NCOR1: variants seen among roughly 807,000 people sequenced by gnomAD.
The protein encoded by NCOR1 is nuclear receptor corepressor 1, also known as protein phosphatase 1, regulatory subunit 109.
A neutral mutation model predicts 288.1 loss-of-function variants in NCOR1; 63 were observed. The ratio of observed to expected loss-of-function variants is 0.22; its 90% CI spans 0.18 to 0.27. The LOEUF is 0.27. Ranked by LOEUF, NCOR1 falls within the 10% of genes least tolerant of loss-of-function variation. The pLI, the probability that NCOR1 is intolerant of heterozygous loss-of-function variation, is 1.00. For missense variants in NCOR1, 2,397 were observed against 3,019.2 expected (o/e 0.79, Z 4.83); for synonymous variants, 1,007 against 1,065.9 (o/e 0.94, Z 1.08).
At chr17:16,162,964 C>A (rs1334385748) in intron 5 of NCOR1, among the ~76,000 whole-genome samples, 1 of 152,052 alleles carries the variant, frequency 6.6e-6, no homozygotes, top group Admixed American at 6.6e-5. Context: ...AGTAAAACTA[C>A]CTTAATAACC....
rs2056549195 is a variant in NCOR1, at chr17:16,037,100, T to C, written c.6956-2156A>G. The stretch of plus-strand genomic sequence containing the variant: ...TTAATTGGCCGAATTTGAATATTGT[T>C]GTGTGTCAGGGAATAAGGGAGCCAG... On this transcript the variant is annotated intron_variant, in intron 44 of 45. Coordinates refer to ENST00000268712, the MANE Select transcript of NCOR1 (RefSeq NM_006311.4). Among the ~76,000 whole-genome samples the C allele has an allele frequency of 3.9e-5, 6 of 152,334 alleles. No individual in the cohort carries two copies. The South Asian group carries it at 1.2e-3, about 32-fold the overall frequency.
At chr17:16,187,462 T>A (rs1288983739) in intron 2 of NCOR1, among the ~76,000 whole-genome samples, 1 of 148,294 alleles carries the variant, frequency 6.7e-6, no homozygotes, top group Non-Finnish European at 1.5e-5. Context: ...AGTATAACCA[T>A]ACAACTGAAT....
At chr17:16,214,298 T>C (rs1316553349) in intron 1 of NCOR1, among the ~76,000 whole-genome samples, 2 of 152,222 alleles carry the variant, frequency 1.3e-5, no homozygotes, top group African/African-American at 4.8e-5. Flanking sequence ...GACAATCACA[T>C]GTGACCCAGC....
chr17:16,101,580 C>T lies in NCOR1; in HGVS notation c.2360G>A (p.Ser787Asn), dbSNP rs2152996792. The T allele has an allele frequency of 1.2e-6, 2 of 1,614,204 alleles. No individual in the cohort carries two copies. The highest frequency in any genetic ancestry group is 1.7e-6 in the Non-Finnish European group (2 of 1,180,038). ...DESVETQVND[S>N]ISAETAEQMD... ...CTGCTCTGCTGTCTCAGCACTGATGCTGTCATTCACCTGGGTCTCCACACT... is the reference window on the plus strand; with the variant it reads ...CTGCTCTGCTGTCTCAGCACTGATGTTGTCATTCACCTGGGTCTCCACACT... Residue 787 changes from serine to asparagine, a missense_variant, in exon 20 of 46, where the codon AGC becomes AAC. Transcript: ENST00000268712.
In NCOR1 at chr17:16,073,589, G is replaced by A. The variant is rs2152751204; in HGVS notation, c.3671-20C>T. 1 of 1,567,498 alleles carries A rather than the reference G, an allele frequency of 6.4e-7. No individual in the cohort carries two copies. Among genetic ancestry groups the A allele is most frequent in the Non-Finnish European group, 8.6e-7 (1 of 1,159,192 alleles). ...TAATATCTACAGAATACACAAACAA[G>A]ACTTGCTCAGACGGAGCACATGGTA... On this transcript the variant is annotated intron_variant, in intron 27 of 45. Transcript: ENST00000268712.
At chr17:16,164,933 G>A (rs1441051137) in intron 5 of NCOR1, 46 bp downstream of exon 5, 2 of 1,322,936 alleles carry the variant, frequency 1.5e-6, no homozygotes, top group African/African-American at 1.5e-5. Flanking sequence ...TCTACTGTAG[G>A]GAGACAAACA....
At chr17:16,168,533 G>A (rs115384749) in intron 4 of NCOR1, among the ~76,000 whole-genome samples, 4,756 of 152,102 alleles carry the variant, frequency 0.031, 246 homozygotes, top group African/African-American at 0.11. Flanking sequence ...CTGCTGTCAG[G>A]AGTTAAGAAC....
chr17:16,034,477 G>A (rs796120934), intron 45 of NCOR1, among the ~76,000 whole-genome samples: 6 of 152,192 alleles, frequency 3.9e-5, no homozygotes, highest in African/African-American at 1.4e-4. Flanking sequence ...GCATGGTCGT[G>A]CACGCCTGTA....
intron 26 of NCOR1, among the ~76,000 whole-genome samples, chr17:16,078,217 T>G (rs1829578757): frequency 6.6e-6 from 1 of 152,198 alleles, no homozygotes; most frequent in South Asian, 2.1e-4. Flanking sequence ...TTACTCACAT[T>G]TAGGGTCACC....
chr17:16,113,743 A>C (rs888938280), intron 18 of NCOR1, among the ~76,000 whole-genome samples: 7 of 152,086 alleles, frequency 4.6e-5, no homozygotes, highest in Non-Finnish European at 1.0e-4. Context: ...AAATACAAAA[A>C]TTAGCTGGGC....
intron 18 of NCOR1, among the ~76,000 whole-genome samples, chr17:16,112,984 C>T (rs1412826815): frequency 1.3e-5 from 2 of 152,078 alleles, no homozygotes; most frequent in Non-Finnish European, 2.9e-5. Flanking sequence ...GATCTCGGCT[C>T]ACTGCAAGCT....
intron 40 of NCOR1, among the ~76,000 whole-genome samples, chr17:16,052,427 C>T (rs946098018): frequency 2.0e-5 from 3 of 152,176 alleles, no homozygotes; most frequent in African/African-American, 7.2e-5. Context: ...AATATTACCA[C>T]TGACCCCACA....
intron 18 of NCOR1, among the ~76,000 whole-genome samples, chr17:16,116,177 C>T (rs1224487406): frequency 1.3e-5 from 2 of 152,150 alleles, no homozygotes; most frequent in East Asian, 3.8e-4. Context: ...AAAAGGCCTG[C>T]CCCATGATTC....
chr17:16,169,981 T>C (rs1023219760), intron 4 of NCOR1, among the ~76,000 whole-genome samples: 1 of 152,174 alleles, frequency 6.6e-6, no homozygotes, highest in African/African-American at 2.4e-5. Flanking sequence ...AAAGAATTTT[T>C]CCCCATCCAA....
chr17:16,042,475 T>C (rs2152077398), intron 42 of NCOR1, among the ~76,000 whole-genome samples: 1 of 152,346 alleles, frequency 6.6e-6, no homozygotes, highest in Non-Finnish European at 1.5e-5. Flanking sequence ...CAGTGCAGTG[T>C]GGTACTTGCT....
At chr17:16,095,075 G>C (rs1326316715) in intron 21 of NCOR1, among the ~76,000 whole-genome samples, 1 of 151,300 alleles carries the variant, frequency 6.6e-6, no homozygotes, top group African/African-American at 2.4e-5. Flanking sequence ...AGTCTGGAAA[G>C]TGAGGAGCGT....
chr17:16,052,257 C>G (rs2059409269), intron 40 of NCOR1, among the ~76,000 whole-genome samples: 1 of 151,772 alleles, frequency 6.6e-6, no homozygotes, highest in Non-Finnish European at 1.5e-5. Context: ...ATCTCCTGAC[C>G]TCGTGATCTG....
chr17:16,032,604 G>A, intron 45 of NCOR1, 121 bp from the exon 46 acceptor site: 3 of 915,968 alleles, frequency 3.3e-6, no homozygotes, highest in South Asian at 1.9e-5. Flanking sequence ...CACCATGAAA[G>A]CAAAATGAAT....
intron 16 of NCOR1, 95 bp downstream of exon 16, chr17:16,120,957 T>C: frequency 1.8e-6 from 2 of 1,104,698 alleles, no homozygotes; most frequent in Admixed American, 2.7e-5. Flanking sequence ...TATTTCTAGG[T>C]TGTCAATATT....
Sources: allele counts gnomAD v4.1 joint callset (sites outside exome capture counted in the v4.1 genomes callset), GRCh38; gene constraint gnomAD v4.1.1; transcripts MANE v1.5; gene names NCBI Gene and HGNC (gene_info 2026-07-23, HGNC 2026-07-21).